Variants in DNAH5 observed in about 807,000 individuals in gnomAD.
DNAH5 encodes the protein dynein axonemal heavy chain 5.
A neutral mutation model predicts 518.2 loss-of-function variants in DNAH5; 372 were observed. The observed-to-expected ratio is 0.72, with a 90% confidence interval of 0.66 to 0.78. DNAH5 has a LOEUF of 0.78. Ranked by LOEUF, DNAH5 falls within the 30% of genes least tolerant of loss-of-function variation. The probability of loss-of-function intolerance (pLI) is 0.00; values close to 1 mark genes in which losing one functional copy is unlikely to be tolerated. For missense variants in DNAH5, 5,523 were observed against 5,687.0 expected (o/e 0.97, Z 0.93); for synonymous variants, 2,039 against 2,025.9 (o/e 1.01, Z -0.17).
chr5:13,722,821 G>A (rs562411161), intron 70 of DNAH5, among the ~76,000 whole-genome samples: 2 of 152,258 alleles, frequency 1.3e-5, no homozygotes. Context: ...CATACCAATG[G>A]CAGATTAAGA....
intron 59 of DNAH5, 123 bp from the exon 60 acceptor site, chr5:13,763,024 T>G: frequency 1.2e-6 from 1 of 853,804 alleles, no homozygotes. Context: ...CATCATATTT[T>G]GTCACTATTT....
At chr5:13,836,657 C>CA (rs1247360460) in intron 35 of DNAH5, among the ~76,000 whole-genome samples, 1 of 152,178 alleles carries the variant, frequency 6.6e-6, no homozygotes, top group East Asian at 1.9e-4. Flanking sequence ...GAAAGTATGA[C>CA]AAAATAATGG....
At chr5:13,694,717 C>T (rs1741136322) in intron 78 of DNAH5, among the ~76,000 whole-genome samples, 1 of 152,180 alleles carries the variant, frequency 6.6e-6, no homozygotes, top group Admixed American at 6.5e-5. Flanking sequence ...TAGAGAGTCT[C>T]TATAGAATCG....
At chr5:13,921,751 C>T (rs546614197) in intron 5 of DNAH5, among the ~76,000 whole-genome samples, 11 of 21,762 alleles carry the variant, frequency 5.1e-4, no homozygotes, top group African/African-American at 1.4e-3. Flanking sequence ...CCCACACACA[C>T]CCCCCCACAC....
chr5:13,890,414 A>C (rs1046335224), intron 17 of DNAH5, among the ~76,000 whole-genome samples: 6 of 151,286 alleles, frequency 4.0e-5, no homozygotes, highest in Non-Finnish European at 7.4e-5. Context: ...CTCAAAAAAA[A>C]AAAAAAAGGT....
At chr5:13,863,603 T>A (rs957147982) in intron 28 of DNAH5, among the ~76,000 whole-genome samples, 2 of 152,024 alleles carry the variant, frequency 1.3e-5, no homozygotes, top group Admixed American at 6.6e-5. Flanking sequence ...ATCCTTTCTC[T>A]CCTCTCCAGC....
chr5:13,913,043 T>C (rs1310171333), intron 11 of DNAH5, among the ~76,000 whole-genome samples: 2 of 152,016 alleles, frequency 1.3e-5, no homozygotes, highest in Non-Finnish European at 2.9e-5. Flanking sequence ...TGTGTAGTGG[T>C]TAATTATATG....
chr5:13,897,914 C>T (rs1774113057), intron 15 of DNAH5: 1 of 152,136 alleles, frequency 6.6e-6, no homozygotes, highest in Non-Finnish European at 1.5e-5. Context: ...ATTATAAAGA[C>T]CATGTGACTT....
At chr5:13,738,795 T>C (rs1314947609) in intron 65 of DNAH5, among the ~76,000 whole-genome samples, 2 of 152,110 alleles carry the variant, frequency 1.3e-5, no homozygotes, top group East Asian at 1.9e-4. Flanking sequence ...ACTTGCTATA[T>C]GAGAGACTCT....
At chr5:13,903,587 TA>T (rs1294127876) in intron 12 of DNAH5, among the ~76,000 whole-genome samples, 1 of 151,796 alleles carries the variant, frequency 6.6e-6, no homozygotes, top group Non-Finnish European at 1.5e-5. Context: ...ATATTAATAT[TA>T]AAAGATAGAA....
chr5:13,987,226 T>C (rs1333085788), intron 1 of DNAH5, among the ~76,000 whole-genome samples: 2 of 152,030 alleles, frequency 1.3e-5, no homozygotes, highest in Admixed American at 6.6e-5. Flanking sequence ...ATAAATTTCA[T>C]AACACAAATC....
At position 13,810,085 on chromosome 5, in the gene DNAH5, G is replaced by A. The variant is rs1400861231; in HGVS notation, c.7583C>T (p.Ala2528Val). ...LPPPAGPGDT[A>V]FDYYVAPDGT... ...ATCGGGCGCCACATAGTAGTCGAAG[G>A]CGGTGTCCCCGGGCCCCGCTGGCGG... The change falls in exon 45 of 79, where the codon GCC (alanine) becomes GTC (valine). Residue 2528 changes from alanine to valine, a missense_variant. By Grantham distance (64) the Ala-to-Val change is moderately conservative. Coordinates refer to ENST00000265104, the MANE Select transcript of DNAH5 (RefSeq NM_001369.3). 2.6e-6 allele frequency: 4 copies of A among 1,552,858 alleles called. No homozygotes were observed. The highest frequency in any genetic ancestry group is 3.5e-6 in the Non-Finnish European group (4 of 1,148,628).
chr5:13,867,755 G>A lies in DNAH5; in HGVS notation c.4053+19C>T. The A allele has an allele frequency of 1.3e-6, 2 of 1,598,086 alleles. No individual in the cohort carries two copies. Among genetic ancestry groups the A allele is most frequent in the Non-Finnish European group, 1.7e-6 (2 of 1,165,906 alleles). On this transcript the variant is annotated intron_variant, in intron 25 of 78. Transcript: ENST00000265104. ...TCACTCATCCCCGAAAACGCACACA[G>A]AGAAAGCCAGAGACATACCAAATCA... is the stretch of plus-strand genomic sequence containing the variant.
chr5:13,881,811 G>T lies in DNAH5; in HGVS notation c.3262+917C>A, dbSNP rs185261717. On this transcript the variant is annotated intron_variant, in intron 21 of 78. Coordinates refer to ENST00000265104, the MANE Select transcript of DNAH5 (RefSeq NM_001369.3). ...AGAACAGACAAGCCCAAAGTTAGCA[G>T]AAGGGAGGAAATAAAGATCAGAGCA... Among the ~76,000 whole-genome samples, 318 of 152,070 alleles carry T rather than the reference G, an allele frequency of 2.1e-3. No individual in the cohort carries two copies. The Middle Eastern group carries it at 0.024, about 11-fold the overall frequency.
intron 1 of DNAH5, among the ~76,000 whole-genome samples, chr5:13,938,971 T>C (rs998970041): frequency 2.0e-5 from 3 of 152,252 alleles, no homozygotes; most frequent in Admixed American, 6.5e-5. Context: ...TGGTAAAATA[T>C]GTGTTTCTTT....
chr5:13,777,152 T>A (rs904207972), intron 54 of DNAH5, 50 bp downstream of exon 54: 8 of 1,567,082 alleles, frequency 5.1e-6, no homozygotes, highest in Non-Finnish European at 7.0e-6. Context: ...AGCTCTAAGC[T>A]GGAGGAAATC....
chr5:13,978,377 TGAA>T (rs1289642790), intron 1 of DNAH5, among the ~76,000 whole-genome samples: 2 of 152,322 alleles, frequency 1.3e-5, no homozygotes, highest in African/African-American at 4.8e-5. Flanking sequence ...TCCAGTCAGT[TGAA>T]GGCCTTAATA....
intron 9 of DNAH5, among the ~76,000 whole-genome samples, 157 bp from the exon 10 acceptor site, chr5:13,914,799 A>C (rs940658332): frequency 6.6e-6 from 1 of 152,090 alleles, no homozygotes; most frequent in African/African-American, 2.4e-5. Flanking sequence ...ATCCACCAAT[A>C]ACCCTTTGAT....
chr5:14,003,785 C>A (rs1784523800), intron 1 of DNAH5, among the ~76,000 whole-genome samples: 1 of 152,232 alleles, frequency 6.6e-6, no homozygotes, highest in Non-Finnish European at 1.5e-5. Context: ...AAGCTTTCAG[C>A]CACCATGAAA....
Sources: gnomAD v4.1 joint callset for allele counts (sites outside exome capture counted in the v4.1 genomes callset) on GRCh38, gnomAD v4.1.1 for gene constraint, MANE v1.5 for transcripts, NCBI Gene and HGNC (gene_info 2026-07-23, HGNC 2026-07-21) for gene names.